The following ARMH4 variants were observed in gnomAD, a reference collection of about 807,000 sequenced individuals.
ARMH4 encodes the protein armadillo like helical domain containing 4, also known as armadillo-like helical domain-containing protein 4.
ARMH4 carries 49 observed loss-of-function variants against 61.9 expected under a neutral mutation model. That is an observed-to-expected ratio of 0.79 (90% CI 0.63 to 1.00). The LOEUF is 1.00. ARMH4 is among the 50% of genes least tolerant of loss of function. ARMH4 has a pLI of 0.00. For missense variants in ARMH4, 934 were observed against 930.0 expected (o/e 1.00, Z -0.06); for synonymous variants, 368 against 341.5 (o/e 1.08, Z -0.85).
At chr14:58,025,060 G>A (rs1882978322) in intron 5 of ARMH4, among the ~76,000 whole-genome samples, 1 of 152,052 alleles carries the variant, frequency 6.6e-6, no homozygotes, top group African/African-American at 2.4e-5. Flanking sequence ...CATGCTATAG[G>A]GAAAATTGCA....
At chr14:58,122,015 C>T (rs1475628506) in intron 4 of ARMH4, among the ~76,000 whole-genome samples, 1 of 152,200 alleles carries the variant, frequency 6.6e-6, no homozygotes, top group Admixed American at 6.5e-5. Context: ...TCCATGTCAT[C>T]TCCACTGTGT....
chr14:58,087,851 T>A (rs1430967071), intron 5 of ARMH4, among the ~76,000 whole-genome samples: 1 of 152,192 alleles, frequency 6.6e-6, no homozygotes, highest in African/African-American at 2.4e-5. Flanking sequence ...GTAACCAATA[T>A]CTAGAACTGT....
chr14:58,121,077 T>C (rs1886707540), intron 4 of ARMH4, among the ~76,000 whole-genome samples: 1 of 152,188 alleles, frequency 6.6e-6, no homozygotes, highest in African/African-American at 2.4e-5. Flanking sequence ...CATCAGAGTT[T>C]AGTCCTCACT....
At chr14:58,076,505 G>T (rs530249322) in intron 5 of ARMH4, among the ~76,000 whole-genome samples, 1 of 152,324 alleles carries the variant, frequency 6.6e-6, no homozygotes, top group Admixed American at 6.5e-5. Flanking sequence ...GAGGTCTGCT[G>T]CCTGAATGCA....
intron 2 of ARMH4, among the ~76,000 whole-genome samples, chr14:58,135,656 TA>T (rs1887278721): frequency 6.6e-6 from 1 of 152,072 alleles, no homozygotes; most frequent in Non-Finnish European, 1.5e-5. Flanking sequence ...AATTATATAT[TA>T]TTTTTAAAAC....
chr14:58,104,885 A>G (rs1040297193), intron 4 of ARMH4, among the ~76,000 whole-genome samples: 1 of 152,232 alleles, frequency 6.6e-6, no homozygotes, highest in Non-Finnish European at 1.5e-5. Flanking sequence ...TTTTAAACCC[A>G]TATCTAAAGA....
At chr14:58,150,508 A>G (rs1887886421) in intron 1 of ARMH4, among the ~76,000 whole-genome samples, 1 of 152,176 alleles carries the variant, frequency 6.6e-6, no homozygotes, top group African/African-American at 2.4e-5. Context: ...CTACACTTAT[A>G]TTTAGCATCG....
At chr14:58,132,610 G>A (rs1051474341) in intron 3 of ARMH4, among the ~76,000 whole-genome samples, 14 of 45,224 alleles carry the variant, frequency 3.1e-4, no homozygotes, top group Non-Finnish European at 8.6e-4. Flanking sequence ...TTTTTGGCAC[G>A]GAGTCTCGCT....
intron 5 of ARMH4, among the ~76,000 whole-genome samples, chr14:58,046,172 T>C (rs557185171): frequency 6.6e-6 from 1 of 152,290 alleles, no homozygotes; most frequent in Admixed American, 6.5e-5. Flanking sequence ...TGTCCAGCCT[T>C]GTTGCTAATT....
intron 4 of ARMH4, 66 bp downstream of exon 4, chr14:58,131,446 C>G (rs994080236): frequency 7.5e-7 from 1 of 1,338,870 alleles, no homozygotes; most frequent in Non-Finnish European, 1.1e-6. Flanking sequence ...AATTCTTTTT[C>G]AAAAACATTT....
At chr14:58,041,173 A>C (rs1023108892) in intron 5 of ARMH4, among the ~76,000 whole-genome samples, 6 of 152,162 alleles carry the variant, frequency 3.9e-5, no homozygotes, top group African/African-American at 1.4e-4. Flanking sequence ...GCATCGCCTC[A>C]CCCGGGAAGC....
chr14:58,031,970 C>T (rs1883250007), intron 5 of ARMH4, among the ~76,000 whole-genome samples: 1 of 152,134 alleles, frequency 6.6e-6, no homozygotes, highest in South Asian at 2.1e-4. Flanking sequence ...AAAGTCTGAC[C>T]TTCACTCAGT....
Position 58,032,894 on chromosome 14 carries a change from G to A in ARMH4, c.2090-20744C>T, listed in dbSNP as rs527694229. On this transcript the variant is annotated intron_variant, in intron 5 of 7. Transcript: ENST00000267485. ...GACTATATACCACACCTGGCTCGGAGGGTCCTACGCCCACGGAATCTCGCT... is the reference window on the plus strand; with the variant it reads ...GACTATATACCACACCTGGCTCGGAAGGTCCTACGCCCACGGAATCTCGCT... Among the ~76,000 whole-genome samples the A allele has an allele frequency of 4.5e-4, 69 of 152,072 alleles. No individual in the cohort carries two copies. The South Asian group carries it at 0.012, about 27-fold the overall frequency.
chr14:58,058,320 T>G (rs1413889151), intron 5 of ARMH4, among the ~76,000 whole-genome samples: 1 of 152,184 alleles, frequency 6.6e-6, no homozygotes, highest in Non-Finnish European at 1.5e-5. Context: ...CTGTACATAT[T>G]CAGTAGAGAT....
Position 58,100,177 on chromosome 14 carries a change from G to A in ARMH4, c.1832-3196C>T, listed in dbSNP as rs111878382. 8.2e-3 allele frequency among the ~76,000 whole-genome samples: 1,241 copies of A among 152,142 alleles called. 25 individuals carry two copies. Among genetic ancestry groups the A allele is most frequent in the African/African-American group, 0.028 (1,147 of 41,508 alleles). On this transcript the variant is annotated intron_variant, in intron 4 of 7. Coordinates refer to ENST00000267485, the MANE Select transcript of ARMH4 (RefSeq NM_001001872.4). ...GGATCTTTATATTTCTTTTATTCTC[G>A]GTCAAATAAAAAAACTGGAAAGGAA...
At chr14:58,134,241 G>T (rs1369706774) in intron 2 of ARMH4, among the ~76,000 whole-genome samples, 2 of 152,130 alleles carry the variant, frequency 1.3e-5, no homozygotes. Flanking sequence ...CTATGCCCAA[G>T]GAACACCTTG....
chr14:58,065,443 T>C (rs1218021863), intron 5 of ARMH4, among the ~76,000 whole-genome samples: 1 of 152,186 alleles, frequency 6.6e-6, no homozygotes, highest in Non-Finnish European at 1.5e-5. Context: ...TCAACACAAA[T>C]GGTGAGTCTT....
intron 5 of ARMH4, among the ~76,000 whole-genome samples, chr14:58,051,133 A>G (rs562688596): frequency 6.6e-6 from 1 of 151,250 alleles, no homozygotes; most frequent in South Asian, 2.1e-4. Flanking sequence ...TAACAAATCT[A>G]CTATTTGTTC....
At chr14:58,077,144 G>A (rs1002383594) in intron 5 of ARMH4, among the ~76,000 whole-genome samples, 5 of 152,192 alleles carry the variant, frequency 3.3e-5, no homozygotes, top group Admixed American at 6.5e-5. Context: ...GACCATGGGA[G>A]GCTGAAGAAA....
Sources: gnomAD v4.1 joint callset for allele counts (sites outside exome capture counted in the v4.1 genomes callset) on GRCh38, gnomAD v4.1.1 for gene constraint, MANE v1.5 for transcripts, NCBI Gene and HGNC (gene_info 2026-07-23, HGNC 2026-07-21) for gene names.